PRRT3: variants seen among roughly 807,000 people sequenced by gnomAD.
The protein encoded by PRRT3 is proline rich transmembrane protein 3.
PRRT3 carries 48 observed loss-of-function variants against 56.6 expected under a neutral mutation model. That is an observed-to-expected ratio of 0.85 (90% CI 0.67 to 1.08). The LOEUF is 1.08. Among genes scored for constraint, PRRT3 ranks in the 50% least tolerant of loss-of-function variants. PRRT3 has a pLI of 0.00. For missense variants in PRRT3, 1,370 were observed against 1,353.1 expected, an observed-to-expected ratio of 1.01 and a Z score of -0.20; for synonymous variants, 641 against 619.1, an observed-to-expected ratio of 1.04 and a Z score of -0.52.
Position 9,946,144 on chromosome 3 carries a change from C to T in PRRT3, c.*83G>A. 1 of 1,499,590 alleles carries T rather than the reference C, an allele frequency of 6.7e-7. No homozygotes were observed. The highest frequency in any genetic ancestry group is 8.9e-7 in the Non-Finnish European group (1 of 1,123,756). 92.9% of individuals were successfully genotyped at this position (1,499,590 alleles called of 1,614,324 possible). On this transcript the variant is annotated 3_prime_UTR_variant, in exon 4 of 4. Coordinates refer to ENST00000412055, the MANE Select transcript of PRRT3 (RefSeq NM_207351.5). This position sits in a 1 kb window ranked among gnomAD's most constrained non-coding sequence, Gnocchi z 4.1. Reference sequence around the variant, plus strand: ...AGCCACCGCGCCTGGCCAGGATGCCCATTTTTTAAAGGCTCAACTGTCCCA... The same window carrying T: ...AGCCACCGCGCCTGGCCAGGATGCCTATTTTTTAAAGGCTCAACTGTCCCA...
At chr3:9,951,721 T>C (rs1310938017) in intron 1 of PRRT3, among the ~76,000 whole-genome samples, 1 of 152,058 alleles carries the variant, frequency 6.6e-6, no homozygotes, top group Non-Finnish European at 1.5e-5. Flanking sequence ...TGCGCTGAGC[T>C]TAGCAACACG....
At position 9,947,177 on chromosome 3, in the gene PRRT3, C is replaced by A; in HGVS notation, c.1996G>T (p.Gly666Cys). 1 of 1,532,860 alleles carries A rather than the reference C, an allele frequency of 6.5e-7. No homozygotes were observed. The allele number at this position is 1,532,860 out of a possible 1,614,324, so 95.0% of individuals were successfully genotyped here. A position where few individuals can be genotyped will look rare whatever the true frequency, so the allele number is the denominator to read the frequency against. Residue 666 changes from glycine to cysteine, a missense_variant, in exon 4 of 4, where the codon GGC becomes TGC. By Grantham distance (159) the Gly-to-Cys change is radical. Transcript: ENST00000412055. This position sits in a 1 kb window ranked among gnomAD's most constrained non-coding sequence, Gnocchi z 9.2. ...AAALWLYPGP[G>C]RVGRFSWAWW... ...GCCCACGAGAAGCGGCCCACGCGGC[C>A]TGGGCCCGGGTACAGCCAGAGCGCA...
chr3:9,948,104 T>A, intron 3 of PRRT3, 103 bp from the exon 4 acceptor site: 1 of 1,231,442 alleles, frequency 8.1e-7, no homozygotes, highest in Non-Finnish European at 1.0e-6. Flanking sequence ...CAAACAAATC[T>A]GCAAAATGGA....
rs1267467745 is a variant in PRRT3, at chr3:9,947,429, C to T, written c.1744G>A (p.Gly582Ser). ...LLLGAVALVH[G>S]VGLLATDLLS... ...AGGTCTGTCGCGAGCAACCCTACAC[C>T]ATGCACCAGCGCCACTGCTCCCAGC... Residue 582 changes from glycine to serine, a missense_variant, in exon 4 of 4, where the codon GGT becomes AGT. Physicochemically the swap from Gly to Ser is moderately conservative, Grantham distance 56. Coordinates refer to ENST00000412055, the MANE Select transcript of PRRT3 (RefSeq NM_207351.5). This position sits in a 1 kb window ranked among gnomAD's most constrained non-coding sequence, Gnocchi z 9.2. The T allele has an allele frequency of 1.6e-5, 25 of 1,612,444 alleles. No individual in the cohort carries two copies. Among genetic ancestry groups the T allele is most frequent in the East Asian group, 2.2e-5 (1 of 44,880 alleles).
At chr3:9,948,998 T>C (rs1020954886) in intron 2 of PRRT3, 85 bp from the exon 3 acceptor site, 1 of 1,516,702 alleles carries the variant, frequency 6.6e-7, no homozygotes, top group South Asian at 1.3e-5. Flanking sequence ...TCAACCTCAT[T>C]TGCCACAAAG....
In PRRT3 at chr3:9,949,151, TG is replaced by T; in HGVS notation, c.964del (p.Gln322SerfsTer22). The T allele has an allele frequency of 6.2e-7, 1 of 1,611,818 alleles. No homozygotes were observed. The highest frequency in any genetic ancestry group is 8.5e-7 in the Non-Finnish European group (1 of 1,179,326). ...CTCTGAGGCGGGTGGATCCGTGGGC[TG>T]GGGTCCTGGTGAATCCTTAGCGTCA... ...LPDAKDSPGP[Q>X]PTDPPASEAP... is the part of the protein sequence containing the mutation. On this transcript the variant is annotated frameshift_variant, in exon 2 of 4. Transcript: ENST00000412055. LOFTEE classifies it high-confidence loss of function. The surrounding 1 kb of genome is among the most constrained non-coding windows in gnomAD (Gnocchi z 4.5).
rs765172729 is a variant in PRRT3, at chr3:9,946,529, C to A, written c.2644G>T (p.Gly882Trp). 1.4e-6 allele frequency: 2 copies of A among 1,468,314 alleles called. No homozygotes were observed. Among genetic ancestry groups the A allele is most frequent in the African/African-American group, 2.9e-5 (2 of 68,308 alleles). 91.0% of individuals were successfully genotyped at this position (1,468,314 alleles called of 1,614,324 possible). A position where few individuals can be genotyped will look rare whatever the true frequency, so the allele number is the denominator to read the frequency against. The change falls in exon 4 of 4, where the codon GGG becomes TGG. Residue 882 changes from glycine to tryptophan, a missense_variant. Transcript: ENST00000412055. This position sits in a 1 kb window ranked among gnomAD's most constrained non-coding sequence, Gnocchi z 4.1. ...TCCACTACGTGCTGTGGGACCGGCC[C>A]GCGCACGCGCACGTCGCTGAGCGAC... The part of the protein sequence containing the change: ...CRSLSDVRVR[G>W]PVPQHVVEAP...
Position 9,949,235 on chromosome 3 carries a change from G to A in PRRT3, c.881C>T (p.Ala294Val). 1 of 1,603,384 alleles carries A rather than the reference G, an allele frequency of 6.2e-7. No homozygotes were observed. The highest frequency in any genetic ancestry group is 8.5e-7 in the Non-Finnish European group (1 of 1,174,756). The change falls in exon 2 of 4, where the codon GCT (alanine) becomes GTT (valine). Residue 294 changes from alanine to valine, a missense_variant. Ala to Val is a moderately conservative substitution (Grantham distance 64). Transcript: ENST00000412055. The surrounding 1 kb of genome is among the most constrained non-coding windows in gnomAD (Gnocchi z 4.5). Reference sequence around the variant, plus strand: ...GGAGCTGACTTCCCAGGACACCTCAGCGCCAGCCCTCTTGGGGGTCTCAAC... The same window carrying A: ...GGAGCTGACTTCCCAGGACACCTCAACGCCAGCCCTCTTGGGGGTCTCAAC... The part of the protein sequence containing the change: ...LPVETPKRAG[A>V]EVSWEVSSPG...
chr3:9,947,550 G>GT lies in PRRT3; in HGVS notation c.1622dup (p.Tyr541Ter). 1 of 1,610,692 alleles carries GT rather than the reference G, an allele frequency of 6.2e-7. No homozygotes were observed. The highest frequency in any genetic ancestry group is 8.5e-7 in the Non-Finnish European group (1 of 1,179,046). Reference sequence around the variant, plus strand: ...TAAGCAGCAAGGGGAAGGGCAGGTTGTAGAGCACCAGGCCCCCGCGAACGC... The same window carrying GT: ...TAAGCAGCAAGGGGAAGGGCAGGTTGTTAGAGCACCAGGCCCCCGCGAACGC... ...RLGVRGGLVL[Y>*]NLPFPLLLTA... The change falls in exon 4 of 4, where the codon TAC becomes TAAC. Residue 541 changes from tyrosine (Y) to a stop codon, truncating the protein, a stop_gained and frameshift_variant. Coordinates refer to ENST00000412055, the MANE Select transcript of PRRT3 (RefSeq NM_207351.5). LOFTEE classifies it high-confidence loss of function. The surrounding 1 kb of genome is among the most constrained non-coding windows in gnomAD (Gnocchi z 9.2).
rs780266256 is a variant in PRRT3 at position 9,950,090 on chromosome 3, A to C, written c.26T>G (p.Val9Gly). The C allele has an allele frequency of 8.1e-5, 121 of 1,500,640 alleles. No homozygotes were observed. The highest frequency in any genetic ancestry group is 1.1e-4 in the Non-Finnish European group (119 of 1,126,816). 93.0% of individuals were successfully genotyped at this position (1,500,640 alleles called of 1,614,324 possible). A position where few individuals can be genotyped will look rare whatever the true frequency, so the allele number is the denominator to read the frequency against. MASSPWGC[V>G]CGLLLLLLPL... Reference sequence around the variant, plus strand: ...CAGCAGCAACAGCAGAAGGCCACATACACAGCCCCATGGGCTGGAGGCCAT... The same window carrying C: ...CAGCAGCAACAGCAGAAGGCCACATCCACAGCCCCATGGGCTGGAGGCCAT... Residue 9 changes from valine to glycine, a missense_variant, in exon 2 of 4, where the codon GTA becomes GGA. Val to Gly is a moderately radical substitution (Grantham distance 109). Coordinates refer to ENST00000412055, the MANE Select transcript of PRRT3 (RefSeq NM_207351.5).
Position 9,945,762 on chromosome 3 carries a change from T to G in PRRT3, c.*465A>C. ...AGCAAAAAACGGCATGGGGGTGGGG[T>G]GAGTTCAAACCTGGCTGTCCCCCGG... On this transcript the variant is annotated 3_prime_UTR_variant, in exon 4 of 4. Transcript: ENST00000412055. 7.1e-6 allele frequency: 1 copy of G among 140,220 alleles called. No homozygotes were observed. The highest frequency in any genetic ancestry group is 1.5e-5 in the Non-Finnish European group (1 of 64,896). The allele number at this position is 140,220 out of a possible 1,614,324, so 8.7% of individuals were successfully genotyped here. A position where few individuals can be genotyped will look rare whatever the true frequency, so the allele number is the denominator to read the frequency against.
chr3:9,948,148 A>T (rs1038534966), intron 3 of PRRT3, 147 bp from the exon 4 acceptor site: 14 of 868,890 alleles, frequency 1.6e-5, no homozygotes, highest in Middle Eastern at 3.0e-4. Flanking sequence ...GTTGTGAAGA[A>T]GATGAAATGT....
intron 3 of PRRT3, 99 bp from the exon 4 acceptor site, chr3:9,948,100 A>C (rs1262945789): frequency 7.3e-6 from 9 of 1,237,360 alleles, no homozygotes; most frequent in Non-Finnish European, 9.1e-6. Context: ...TTTCCAAACA[A>C]ATCTGCAAAA....
intron 3 of PRRT3, chr3:9,948,381 G>A: frequency 2.6e-6 from 1 of 381,100 alleles, no homozygotes; most frequent in African/African-American, 2.1e-5. Flanking sequence ...CCAGGCTGGT[G>A]TGCAGTGGTG....
Position 9,949,871 on chromosome 3 carries a change from T to C in PRRT3, c.245A>G (p.Glu82Gly). Reference protein sequence around the residue: ...NSDVRHAPAEEMPEKPVASPL... With the variant: ...NSDVRHAPAEGMPEKPVASPL... ...AGAGGCTACAGGCTTCTCAGGCATC[T>C]CTTCAGCAGGGGCGTGGCGGACATC... The change falls in exon 2 of 4, where the codon GAG becomes GGG. Residue 82 changes from glutamate to glycine, a missense_variant. By Grantham distance (98) the Glu-to-Gly change is moderately conservative. Coordinates refer to ENST00000412055, the MANE Select transcript of PRRT3 (RefSeq NM_207351.5). This position sits in a 1 kb window ranked among gnomAD's most constrained non-coding sequence, Gnocchi z 4.5. The C allele has an allele frequency of 6.2e-7, 1 of 1,613,498 alleles. No individual in the cohort carries two copies. The highest frequency in any genetic ancestry group is 8.5e-7 in the Non-Finnish European group (1 of 1,179,604).
rs1179452246 is a variant in PRRT3 at position 9,947,034 on chromosome 3, A to G, written c.2139T>C (p.Ala713=). 4 of 1,537,628 alleles carry G rather than the reference A, an allele frequency of 2.6e-6. No individual in the cohort carries two copies. The highest frequency in any genetic ancestry group is 2.7e-5 in the African/African-American group (2 of 73,038). The change falls in exon 4 of 4, where the codon GCT becomes GCC. Residue 713 remains alanine (A), a synonymous_variant. Transcript: ENST00000412055. The surrounding 1 kb of genome is among the most constrained non-coding windows in gnomAD (Gnocchi z 9.2). ...PRPPTEHACW[A]KLMRLACPAP... ...CCGGGCACGCCAGACGCATCAGCTTAGCCCAGCAAGCGTGCTCCGTGGGCG... is the reference window on the plus strand; with the variant it reads ...CCGGGCACGCCAGACGCATCAGCTTGGCCCAGCAAGCGTGCTCCGTGGGCG...
At chr3:9,951,155 C>T (rs918955614) in intron 1 of PRRT3, among the ~76,000 whole-genome samples, 1 of 152,182 alleles carries the variant, frequency 6.6e-6, no homozygotes, top group East Asian at 1.9e-4. Flanking sequence ...AACCTGCAGC[C>T]TCCAGTATAT....
chr3:9,948,141 G>T, intron 3 of PRRT3, 140 bp from the exon 4 acceptor site: 1 of 905,100 alleles, frequency 1.1e-6, no homozygotes, highest in Non-Finnish European at 1.5e-6. Flanking sequence ...TCATTGCGTT[G>T]TGAAGAAGAT....
Position 9,946,243 on chromosome 3 carries a change from T to C in PRRT3, c.2930A>G (p.Asp977Gly), listed in dbSNP as rs750309378. The change falls in exon 4 of 4, where the codon GAT (aspartate) becomes GGT (glycine). Residue 977 changes from aspartate to glycine, a missense_variant. By Grantham distance (94) the Asp-to-Gly change is moderately conservative. Transcript: ENST00000412055. The surrounding 1 kb of genome is among the most constrained non-coding windows in gnomAD (Gnocchi z 4.1). ...KPGESRSASSDTIEL is the reference protein window; with the variant it reads ...KPGESRSASSGTIEL ...GACCGCTCTTCAAAGCTCGATGGTA[T>C]CACTGGAGGCGCTGCGGGATTCCCC... is the stretch of plus-strand genomic sequence containing the variant. The C allele has an allele frequency of 1.2e-6, 2 of 1,612,508 alleles. No homozygotes were observed. Among genetic ancestry groups the C allele is most frequent in the Non-Finnish European group, 1.7e-6 (2 of 1,179,756 alleles).
Sources: allele counts gnomAD v4.1 joint callset (sites outside exome capture counted in the v4.1 genomes callset), GRCh38; gene constraint gnomAD v4.1.1; non-coding constraint Gnocchi (gnomAD v3.1); transcripts MANE v1.5; gene names NCBI Gene and HGNC (gene_info 2026-07-23, HGNC 2026-07-21).